The following PKIG variants were observed in gnomAD, a reference collection of about 807,000 sequenced individuals.
The protein encoded by PKIG is protein kinase (cAMP-dependent, catalytic) inhibitor gamma.
Under a neutral mutation model 6.8 loss-of-function variants are expected in PKIG, and 1 was observed. The ratio of observed to expected loss-of-function variants is 0.15; its 90% CI spans 0.05 to 0.69. The LOEUF (loss-of-function observed/expected upper bound fraction) is 0.69, where lower values mean the gene tolerates loss of function less well. Among genes scored for constraint, PKIG ranks in the 30% least tolerant of loss-of-function variants. The probability of loss-of-function intolerance (pLI) is 0.82; values close to 1 mark genes in which losing one functional copy is unlikely to be tolerated. For synonymous variants in PKIG, 39 were observed against 43.0 expected (o/e 0.91, Z 0.36); for missense variants, 77 against 104.0 (o/e 0.74, Z 1.13).
chr20:44,612,251 C>T (rs755766210), intron 2 of PKIG, among the ~76,000 whole-genome samples: 4 of 152,128 alleles, frequency 2.6e-5, no homozygotes, highest in South Asian at 4.2e-4. Flanking sequence ...ATAATTCACG[C>T]GATGCCTAAC....
chr20:44,606,105 C>T (rs2065161613), intron 2 of PKIG, among the ~76,000 whole-genome samples: 1 of 152,076 alleles, frequency 6.6e-6, no homozygotes. Context: ...GTAAAAAATA[C>T]TAGTAACTCC....
At chr20:44,563,425 A>G (rs894926869) in intron 1 of PKIG, among the ~76,000 whole-genome samples, 1 of 152,090 alleles carries the variant, frequency 6.6e-6, no homozygotes, top group Non-Finnish European at 1.5e-5. Context: ...ACTGGGCACA[A>G]CAAGGATGGT....
intron 1 of PKIG, among the ~76,000 whole-genome samples, chr20:44,574,252 A>G (rs1055156989): frequency 3.3e-5 from 5 of 152,002 alleles, no homozygotes; most frequent in Admixed American, 6.6e-5. Flanking sequence ...CCTTCCTCCT[A>G]TCCTGCTCCC....
At chr20:44,548,719 C>G (rs1568805685) in intron 1 of PKIG, among the ~76,000 whole-genome samples, 2 of 152,110 alleles carry the variant, frequency 1.3e-5, no homozygotes, top group Non-Finnish European at 2.9e-5. Flanking sequence ...ATCCACACAT[C>G]ACTTAGCTAC....
At chr20:44,556,191 C>A (rs146370061) in intron 1 of PKIG, among the ~76,000 whole-genome samples, 1 of 152,144 alleles carries the variant, frequency 6.6e-6, no homozygotes, top group Non-Finnish European at 1.5e-5. Flanking sequence ...ACAACTACAT[C>A]ATTTATTACC....
At chr20:44,574,434 C>A (rs1285431625) in intron 1 of PKIG, among the ~76,000 whole-genome samples, 1 of 152,042 alleles carries the variant, frequency 6.6e-6, no homozygotes, top group South Asian at 2.1e-4. Context: ...ACCCATTACC[C>A]GGCTTCAAAA....
chr20:44,578,316 G>T (rs2064917469), upstream of PKIG, among the ~76,000 whole-genome samples: 1 of 140,392 alleles, frequency 7.1e-6, no homozygotes, highest in Admixed American at 7.3e-5. Context: ...ACTCCAGCCT[G>T]AGACTCCATC....
At chr20:44,559,581 C>T (rs1442942793) in intron 1 of PKIG, among the ~76,000 whole-genome samples, 1 of 152,198 alleles carries the variant, frequency 6.6e-6, no homozygotes, top group Non-Finnish European at 1.5e-5. Context: ...GTTCCTTTGT[C>T]ATAGTGTCAT....
At chr20:44,596,905 C>A (rs1234958920) in intron 2 of PKIG, among the ~76,000 whole-genome samples, 1 of 152,192 alleles carries the variant, frequency 6.6e-6, no homozygotes, top group African/African-American at 2.4e-5. Flanking sequence ...CCCTCAAGAC[C>A]CTGAAAGTCC....
At chr20:44,569,082 G>A (rs1380162927) in intron 1 of PKIG, among the ~76,000 whole-genome samples, 3 of 152,142 alleles carry the variant, frequency 2.0e-5, no homozygotes, top group Non-Finnish European at 4.4e-5. Flanking sequence ...CAAGTACAGA[G>A]AGGTCCCATG....
rs532966135 is a variant in PKIG at position 44,546,656 on chromosome 20, G to A, written c.-241+14678G>A. 6.0e-5 allele frequency among the ~76,000 whole-genome samples: 9 copies of A among 150,588 alleles called. No homozygotes were observed. In the South Asian group the frequency reaches 1.3e-3, roughly 21 times the overall value. On this transcript the variant is annotated intron_variant, in intron 1 of 4. Coordinates refer to the PKIG transcript ENST00000372887. Reference sequence around the variant, plus strand: ...TAGCCTCTACCTTCCCAGTTCAGGCGATTCTCCTGCCTCAGCCCCCCGGGT... The same window carrying A: ...TAGCCTCTACCTTCCCAGTTCAGGCAATTCTCCTGCCTCAGCCCCCCGGGT...
At chr20:44,550,911 G>A (rs2064661937) in intron 1 of PKIG, among the ~76,000 whole-genome samples, 7 of 152,076 alleles carry the variant, frequency 4.6e-5, no homozygotes, top group Admixed American at 3.3e-4. Flanking sequence ...AGAGTACAAT[G>A]AGCACCTGTA....
chr20:44,607,559 T>C (rs927789607), intron 2 of PKIG, among the ~76,000 whole-genome samples: 1 of 150,376 alleles, frequency 6.6e-6, no homozygotes, highest in African/African-American at 2.4e-5. Flanking sequence ...GTATTTTTAG[T>C]AGAGATGGGG....
chr20:44,613,527 A>G (rs1049544812), intron 2 of PKIG, among the ~76,000 whole-genome samples: 1 of 152,234 alleles, frequency 6.6e-6, no homozygotes, highest in Non-Finnish European at 1.5e-5. Flanking sequence ...TAGGCCAAAC[A>G]GGACTTTATG....
intron 2 of PKIG, among the ~76,000 whole-genome samples, chr20:44,598,268 T>G (rs1268927556): frequency 6.6e-6 from 1 of 152,222 alleles, no homozygotes; most frequent in Non-Finnish European, 1.5e-5. Context: ...AGGTGAAAGC[T>G]GTATAACCCT....
At chr20:44,573,713 A>G (rs1279436739) in intron 1 of PKIG, among the ~76,000 whole-genome samples, 1 of 152,232 alleles carries the variant, frequency 6.6e-6, no homozygotes, top group Non-Finnish European at 1.5e-5. Flanking sequence ...GGGAACATCT[A>G]TACTTGCCTT....
intron 2 of PKIG, among the ~76,000 whole-genome samples, chr20:44,596,227 G>C (rs188915040): frequency 6.6e-6 from 1 of 152,350 alleles, no homozygotes; most frequent in East Asian, 1.9e-4. Flanking sequence ...TGTATTTGTC[G>C]AATGACTGTT....
intron 1 of PKIG, among the ~76,000 whole-genome samples, chr20:44,554,300 C>T (rs982971405): frequency 6.6e-6 from 1 of 151,922 alleles, no homozygotes; most frequent in Non-Finnish European, 1.5e-5. Context: ...TCAGGCTGGT[C>T]TCGAACTCCG....
At position 44,618,300 on chromosome 20, in the gene PKIG, G is replaced by A; in HGVS notation, c.167G>A (p.Gly56Glu). 1 of 1,612,524 alleles carries A rather than the reference G, an allele frequency of 6.2e-7. No homozygotes were observed. Among genetic ancestry groups the A allele is most frequent in the Non-Finnish European group, 8.5e-7 (1 of 1,178,538 alleles). ...ALEGAEGQVE[G>E]SAPDKEAGNQ... ...TCCTCTCCAGAAGGACAGGTGGAGG[G>A]AAGCGCCCCAGACAAGGAAGCTGGC... is the stretch of plus-strand genomic sequence containing the variant. The change falls in exon 4 of 4, where the codon GGA becomes GAA. Residue 56 changes from glycine (G) to glutamate (E), a missense_variant. Coordinates refer to ENST00000372886, the MANE Select transcript of PKIG (RefSeq NM_001281445.2).
Sources: allele counts gnomAD v4.1 joint callset (sites outside exome capture counted in the v4.1 genomes callset), GRCh38; gene constraint gnomAD v4.1.1; transcripts MANE v1.5; gene names NCBI Gene and HGNC (gene_info 2026-07-23, HGNC 2026-07-21).